VRK2: variants seen among roughly 807,000 people sequenced by gnomAD.
The protein encoded by VRK2 is serine/threonine-protein kinase VRK2.
Under a neutral mutation model 57.6 loss-of-function variants are expected in VRK2, and 60 were observed. The ratio of observed to expected loss-of-function variants is 1.04; its 90% CI spans 0.85 to 1.29. The LOEUF is 1.29. VRK2 is among the 50% of genes most tolerant of loss of function. VRK2 has a pLI of 0.00. For synonymous variants in VRK2, 231 were observed against 199.2 expected, an observed-to-expected ratio of 1.16 and a Z score of -1.35; for missense variants, 705 against 588.1, an observed-to-expected ratio of 1.20 and a Z score of -2.06.
intron 2 of VRK2, among the ~76,000 whole-genome samples, chr2:58,059,723 AAGTT>A (rs1263359246): frequency 9.9e-5 from 15 of 151,954 alleles, no homozygotes; most frequent in East Asian, 9.6e-4. Flanking sequence ...TTTCATGAAA[AAGTT>A]AGAACATTTC....
At chr2:58,047,368 C>T in intron 1 of VRK2, 1 of 961,612 alleles carries the variant, frequency 1.0e-6, no homozygotes. Context: ...TCATCTTAGC[C>T]CTGGGAAGGT....
chr2:57,950,779 C>G (rs774474874), intron 1 of VRK2, among the ~76,000 whole-genome samples: 7 of 152,100 alleles, frequency 4.6e-5, no homozygotes, highest in Non-Finnish European at 8.8e-5. Flanking sequence ...AAGGATCAAC[C>G]ATTCTAGACG....
intron 11 of VRK2, 72 bp downstream of exon 11, chr2:58,139,904 G>C (rs1029588564): frequency 2.0e-6 from 3 of 1,466,826 alleles, no homozygotes; most frequent in Non-Finnish European, 2.7e-6. Flanking sequence ...AATTGTTTTA[G>C]GTCTCAAAAT....
chr2:57,943,324 AATAG>A (rs1671157342), intron 1 of VRK2, among the ~76,000 whole-genome samples: 1 of 152,256 alleles, frequency 6.6e-6, no homozygotes, highest in African/African-American at 2.4e-5. Context: ...TTTTATGGCA[AATAG>A]CATACTATAT....
chr2:57,937,410 G>C (rs1018058560), intron 1 of VRK2, among the ~76,000 whole-genome samples: 1 of 152,122 alleles, frequency 6.6e-6, no homozygotes, highest in African/African-American at 2.4e-5. Context: ...AAATGGCACT[G>C]TCTCTCTGAC....
chr2:58,094,686 T>C (rs1454601598), intron 7 of VRK2, among the ~76,000 whole-genome samples: 1 of 152,188 alleles, frequency 6.6e-6, no homozygotes, highest in African/African-American at 2.4e-5. Flanking sequence ...TTACAGTTTA[T>C]TATAAGTGGT....
At chr2:58,008,812 C>T (rs1572773525) in intron 1 of VRK2, among the ~76,000 whole-genome samples, 1 of 151,988 alleles carries the variant, frequency 6.6e-6, no homozygotes, top group African/African-American at 2.4e-5. Context: ...ACACCAGAGA[C>T]TGGGTAATTT....
chr2:58,141,013 T>A (rs1681246769), intron 11 of VRK2, among the ~76,000 whole-genome samples: 1 of 152,024 alleles, frequency 6.6e-6, no homozygotes, highest in Non-Finnish European at 1.5e-5. Context: ...AGCAAGTGCC[T>A]CACAAACCAA....
intron 1 of VRK2, among the ~76,000 whole-genome samples, chr2:57,943,381 G>C (rs894515064): frequency 6.6e-6 from 1 of 152,138 alleles, no homozygotes; most frequent in Non-Finnish European, 1.5e-5. Context: ...AAAAGTTTAT[G>C]GTCAGGAGTA....
chr2:58,024,732 T>C (rs772242765), intron 1 of VRK2, among the ~76,000 whole-genome samples: 1 of 152,210 alleles, frequency 6.6e-6, no homozygotes, highest in African/African-American at 2.4e-5. Context: ...GTTTTGATGC[T>C]ATCATAAAGA....
At chr2:58,033,120 A>C (rs946737266) in intron 2 of VRK2, 2 of 152,010 alleles carry the variant, frequency 1.3e-5, no homozygotes, top group Non-Finnish European at 2.9e-5. Context: ...AAATATCTCT[A>C]TGTTTGCTTT....
chr2:58,061,021 A>G (rs567492966), intron 2 of VRK2, among the ~76,000 whole-genome samples: 2 of 152,034 alleles, frequency 1.3e-5, no homozygotes, highest in African/African-American at 2.4e-5. Flanking sequence ...ATGACTTACA[A>G]GAGATAAATG....
intron 3 of VRK2, among the ~76,000 whole-genome samples, chr2:58,036,439 A>T (rs751259709): frequency 1.3e-5 from 2 of 152,014 alleles, no homozygotes; most frequent in African/African-American, 2.4e-5. Context: ...AAATAACACA[A>T]ATGAATTTTT....
chr2:58,036,352 T>G (rs1674272881), intron 3 of VRK2, among the ~76,000 whole-genome samples: 1 of 152,112 alleles, frequency 6.6e-6, no homozygotes, highest in East Asian at 1.9e-4. Context: ...AGTACTAAAT[T>G]AATTTCCCTT....
chr2:58,038,495 C>T (rs1674344789), intron 3 of VRK2, among the ~76,000 whole-genome samples: 1 of 152,130 alleles, frequency 6.6e-6, no homozygotes, highest in Admixed American at 6.5e-5. Context: ...TTTGTAAAGG[C>T]AACACAGATT....
Position 58,140,846 on chromosome 2 carries a change from T to G in VRK2, c.1023+1014T>G, listed in dbSNP as rs755803537. On this transcript the variant is annotated intron_variant, in intron 11 of 12. Transcript: ENST00000340157. The stretch of plus-strand genomic sequence containing the variant: ...AGAAGTATTTGAATGACTGTGGTAT[T>G]GACATCTGTAGGCCTGCATAGTAAT... 3.3e-4 allele frequency among the ~76,000 whole-genome samples: 50 copies of G among 152,194 alleles called. 1 individual carries two copies. The Middle Eastern group carries it at 0.01, about 31-fold the overall frequency.
At chr2:57,993,160 G>A (rs1672822106) in intron 1 of VRK2, among the ~76,000 whole-genome samples, 1 of 152,188 alleles carries the variant, frequency 6.6e-6, no homozygotes, top group South Asian at 2.1e-4. Context: ...TCCTGGGAAG[G>A]TTAGATACAT....
intron 1 of VRK2, among the ~76,000 whole-genome samples, chr2:57,921,314 A>T (rs1418943550): frequency 2.7e-5 from 4 of 149,400 alleles, no homozygotes; most frequent in Admixed American, 2.7e-4. Flanking sequence ...ACACACACTC[A>T]CACACACACA....
intron 2 of VRK2, among the ~76,000 whole-genome samples, chr2:58,072,364 A>G (rs751615792): frequency 6.6e-6 from 1 of 152,004 alleles, no homozygotes; most frequent in Non-Finnish European, 1.5e-5. Context: ...AGATGAAAGC[A>G]TCTAGTTTCT....
Sources: gnomAD v4.1 joint callset for allele counts (sites outside exome capture counted in the v4.1 genomes callset) on GRCh38, gnomAD v4.1.1 for gene constraint, MANE v1.5 for transcripts, NCBI Gene and HGNC (gene_info 2026-07-23, HGNC 2026-07-21) for gene names.